The following HDX variants were observed in gnomAD, a reference collection of about 807,000 sequenced individuals.
The protein encoded by HDX is highly divergent homeobox.
In HDX, 19 loss-of-function variants were observed where a neutral mutation model predicts 45.2. The observed-to-expected ratio is 0.42, with a 90% CI of 0.29 to 0.62. The LOEUF (loss-of-function observed/expected upper bound fraction) is 0.62, where lower values mean the gene tolerates loss of function less well. Ranked by LOEUF, HDX falls within the 20% of genes least tolerant of loss-of-function variation. HDX has a pLI of 0.20. For synonymous variants in HDX, 188 were observed against 172.8 expected, an observed-to-expected ratio of 1.09 and a Z score of -0.69; for missense variants, 532 against 493.9, an observed-to-expected ratio of 1.08 and a Z score of -0.73.
intron 4 of HDX, among the ~76,000 whole-genome samples, chrX:84,446,878 G>T (rs1008689600): frequency 5.4e-5 from 6 of 112,055 alleles, no homozygotes; most frequent in Middle Eastern, 4.6e-3. Flanking sequence ...CTGATCCCCA[G>T]TCTCTTCTGT....
intron 7 of HDX, among the ~76,000 whole-genome samples, chrX:84,337,508 C>A (rs1349702178): frequency 9.1e-6 from 1 of 110,415 alleles, no homozygotes; most frequent in Non-Finnish European, 1.9e-5. Context: ...GTTTCTCATT[C>A]AAATAAGAAA....
At chrX:84,367,744 C>G (rs12556463) in intron 5 of HDX, among the ~76,000 whole-genome samples, 18,305 of 111,186 alleles carry the variant, frequency 0.16, 2,714 homozygotes, top group African/African-American at 0.48. Flanking sequence ...TGCAAACTAA[C>G]GCAGGAACAG....
rs1425251720 is a variant in HDX at position 84,317,917 on chromosome X, TA to T, written c.*3971del. On this transcript the variant is annotated 3_prime_UTR_variant, in exon 11 of 11. Transcript: ENST00000373177. ...TTTATTGCCTCTATAAAAGTTTAAA[TA>T]AAAACTCTACAAAAATTCACATTAC... 9.0e-6 allele frequency: 1 copy of T among 111,046 alleles called. No individual in the cohort carries two copies. Among genetic ancestry groups the T allele is most frequent in the Non-Finnish European group, 1.9e-5 (1 of 52,633 alleles). The allele number at this position is 111,046 out of a possible 1,213,427, so 9.2% of individuals were successfully genotyped here.
chrX:84,331,614 A>G (rs1230743403), intron 9 of HDX, among the ~76,000 whole-genome samples: 5 of 111,549 alleles, frequency 4.5e-5, no homozygotes, highest in Non-Finnish European at 9.4e-5. Context: ...GTTGTATAAC[A>G]ACGTTTCAGT....
At chrX:84,499,611 C>T (rs1030095290) in intron 1 of HDX, among the ~76,000 whole-genome samples, 3 of 111,958 alleles carry the variant, frequency 2.7e-5, no homozygotes, top group Non-Finnish European at 5.6e-5. Flanking sequence ...CAATTATCTA[C>T]AATAATGATG....
At chrX:84,459,761 T>A (rs1488259976) in intron 4 of HDX, among the ~76,000 whole-genome samples, 3 of 111,384 alleles carry the variant, frequency 2.7e-5, no homozygotes, top group African/African-American at 9.8e-5. Flanking sequence ...AGTTGGTTTT[T>A]AAAAAATATA....
chrX:84,423,499 AAAGAG>A (rs1205641320), intron 5 of HDX, among the ~76,000 whole-genome samples: 2 of 103,604 alleles, frequency 1.9e-5, no homozygotes, highest in African/African-American at 6.8e-5. Flanking sequence ...AAAAAAAAAA[AAAGAG>A]AGAGAGAGAG....
intron 9 of HDX, among the ~76,000 whole-genome samples, chrX:84,329,001 C>T (rs2036783031): frequency 1.8e-5 from 2 of 112,054 alleles, no homozygotes; most frequent in African/African-American, 6.5e-5. Flanking sequence ...CCAGGTCAAA[C>T]ACAGATTCAA....
chrX:84,480,340 A>C (rs1602535297), intron 2 of HDX, among the ~76,000 whole-genome samples: 1 of 111,253 alleles, frequency 9.0e-6, no homozygotes, highest in East Asian at 2.8e-4. Flanking sequence ...TCATTTTTCT[A>C]TCTTGCCCTA....
At position 84,420,519 on chromosome X, in the gene HDX, A is replaced by T. The variant is rs193009364; in HGVS notation, c.1305+20013T>A. On this transcript the variant is annotated intron_variant, in intron 5 of 10. Transcript: ENST00000373177. ...AAAATAGTCTCAAAAGGGTAAATCT[A>T]AGAAATACTGGTCTTAAAGAGAAAG... Among the ~76,000 whole-genome samples, 17 of 112,175 alleles carry T rather than the reference A, an allele frequency of 1.5e-4. No homozygotes were observed. The Admixed American group carries it at 1.6e-3, about 11-fold the overall frequency.
At chrX:84,494,277 T>C (rs772474797) in intron 1 of HDX, among the ~76,000 whole-genome samples, 1 of 112,291 alleles carries the variant, frequency 8.9e-6, no homozygotes, top group Admixed American at 9.4e-5. Context: ...CAATAAATTG[T>C]GTTTCTTTGT....
chrX:84,416,674 C>T (rs2039110165), intron 5 of HDX, among the ~76,000 whole-genome samples: 1 of 110,948 alleles, frequency 9.0e-6, no homozygotes, highest in African/African-American at 3.3e-5. Context: ...ATAATATGAA[C>T]CACATATATA....
chrX:84,425,686 G>C (rs6623032), intron 5 of HDX, among the ~76,000 whole-genome samples: 8,087 of 111,233 alleles, frequency 0.073, 441 homozygotes, highest in East Asian at 0.42. Flanking sequence ...AGAGCATGAA[G>C]TGAAATAAGC....
intron 5 of HDX, among the ~76,000 whole-genome samples, chrX:84,379,815 C>T (rs1043857813): frequency 1.8e-5 from 2 of 109,708 alleles, no homozygotes; most frequent in Non-Finnish European, 3.8e-5. Context: ...TCTCAAAGAA[C>T]TAGAAAAGCA....
intron 2 of HDX, among the ~76,000 whole-genome samples, chrX:84,477,278 C>T (rs773921770): frequency 8.9e-6 from 1 of 111,751 alleles, no homozygotes; most frequent in South Asian, 3.8e-4. Flanking sequence ...TCCTCCTCTG[C>T]AGGGCTGTAC....
intron 5 of HDX, among the ~76,000 whole-genome samples, chrX:84,410,229 G>A (rs2038953873): frequency 1.8e-5 from 2 of 110,674 alleles, no homozygotes; most frequent in African/African-American, 6.6e-5. Context: ...TTTTTGTCTT[G>A]TTCCACTGTT....
chrX:84,470,888 C>T (rs764117993), intron 3 of HDX, among the ~76,000 whole-genome samples: 1 of 111,456 alleles, frequency 9.0e-6, no homozygotes, highest in East Asian at 2.8e-4. Flanking sequence ...TGCACAGTGG[C>T]TCATGCCTGT....
At chrX:84,419,148 T>C (rs1257728162) in intron 5 of HDX, among the ~76,000 whole-genome samples, 1 of 111,192 alleles carries the variant, frequency 9.0e-6, no homozygotes, top group Non-Finnish European at 1.9e-5. Context: ...CCAGGTACCA[T>C]GTCAATGTCT....
chrX:84,327,966 A>G (rs1276700129), intron 9 of HDX, among the ~76,000 whole-genome samples: 1 of 108,973 alleles, frequency 9.2e-6, no homozygotes, highest in Non-Finnish European at 1.9e-5. Flanking sequence ...GGTATGCACC[A>G]CCATCCATGG....
Sources: allele counts gnomAD v4.1 joint callset (sites outside exome capture counted in the v4.1 genomes callset), GRCh38; gene constraint gnomAD v4.1.1; transcripts MANE v1.5; gene names NCBI Gene and HGNC (gene_info 2026-07-23, HGNC 2026-07-21).